PAIP2: variants seen among roughly 807,000 people sequenced by gnomAD.
PAIP2 encodes the protein polyadenylate-binding protein-interacting protein 2.
In PAIP2, 7 loss-of-function variants were observed where a neutral mutation model predicts 14.8. The observed-to-expected ratio is 0.47, with a 90% CI of 0.27 to 0.89. PAIP2 has a LOEUF of 0.89. Among genes scored for constraint, PAIP2 ranks in the 40% least tolerant of loss-of-function variants. PAIP2 has a pLI of 0.13. For synonymous variants in PAIP2, 47 were observed against 45.3 expected, an observed-to-expected ratio of 1.04 and a Z score of -0.15; for missense variants, 122 against 154.7, an observed-to-expected ratio of 0.79 and a Z score of 1.12.
chr5:139,342,867 C>T (rs887198866), intron 1 of PAIP2: 1 of 152,056 alleles, frequency 6.6e-6, no homozygotes, highest in Non-Finnish European at 1.5e-5. Flanking sequence ...GCACCCGTAT[C>T]AACTCATAAA....
intron 1 of PAIP2, among the ~76,000 whole-genome samples, chr5:139,354,655 T>C (rs1164622695): frequency 6.6e-6 from 1 of 152,200 alleles, no homozygotes; most frequent in African/African-American, 2.4e-5. Context: ...GCACAGTTGA[T>C]GTCTCCTGGG....
chr5:139,368,590 C>A, intron 3 of PAIP2, 143 bp from the exon 4 acceptor site: 1 of 610,504 alleles, frequency 1.6e-6, no homozygotes, highest in Admixed American at 3.1e-5. Flanking sequence ...TCTGGTTCTT[C>A]CTTTTTGGGG....
Position 139,363,886 on chromosome 5 carries a change from C to T in PAIP2, c.102C>T (p.Tyr34=), listed in dbSNP as rs756627525. 3 of 1,613,486 alleles carry T rather than the reference C, an allele frequency of 1.9e-6. No individual in the cohort carries two copies. The highest frequency in any genetic ancestry group is 1.7e-6 in the Non-Finnish European group (2 of 1,179,588). ...AAGATGACAATCCATTTGCAGAGTA[C>T]ATGTGGATGGAAAATGAAGAAGAAT... is the stretch of plus-strand genomic sequence containing the variant. ...SHEDDNPFAE[Y]MWMENEEEFN... The change falls in exon 2 of 4, where the codon TAC becomes TAT. Residue 34 remains tyrosine (Y), a synonymous_variant. Transcript: ENST00000265192.
chr5:139,345,554 T>A, intron 1 of PAIP2, among the ~76,000 whole-genome samples: 1 of 150,750 alleles, frequency 6.6e-6, no homozygotes, highest in East Asian at 1.9e-4. Flanking sequence ...CAAAACAGAG[T>A]CCAAGGGAAT....
chr5:139,357,706 C>G (rs972357717), intron 1 of PAIP2, among the ~76,000 whole-genome samples: 45 of 152,212 alleles, frequency 3.0e-4, no homozygotes, highest in African/African-American at 1.0e-3. Flanking sequence ...TGGCACGCGC[C>G]TGTAGTCCCA....
intron 1 of PAIP2, among the ~76,000 whole-genome samples, chr5:139,355,566 C>G (rs192676649): frequency 1.3e-5 from 2 of 152,122 alleles, no homozygotes; most frequent in African/African-American, 2.4e-5. Context: ...TTTTAACATA[C>G]TTAATATACT....
At chr5:139,366,655 A>G (rs923345586) in intron 3 of PAIP2, among the ~76,000 whole-genome samples, 1 of 152,188 alleles carries the variant, frequency 6.6e-6, no homozygotes, top group Non-Finnish European at 1.5e-5. Flanking sequence ...ATAATGTATA[A>G]CTTTAATCTG....
chr5:139,363,719 G>A lies in PAIP2; in HGVS notation c.-26-40G>A, dbSNP rs938146557. 3.8e-5 allele frequency: 59 copies of A among 1,570,234 alleles called. 1 individual carries two copies. The Admixed American group carries it at 5.2e-4, about 14-fold the overall frequency. On this transcript the variant is annotated intron_variant, in intron 1 of 3. Coordinates refer to ENST00000265192, the MANE Select transcript of PAIP2 (RefSeq NM_016480.5). ...CCTTGTCTCAGAAAGAAAAAACCCT[G>A]AATGAGTAAGTAAATTAACTGTGCT...
rs1757480122 is a variant in PAIP2, at chr5:139,368,989, A to C, written c.*191A>C. 1 of 488,210 alleles carries C rather than the reference A, an allele frequency of 2.0e-6. No homozygotes were observed. 30.2% of individuals were successfully genotyped at this position (488,210 alleles called of 1,614,324 possible). A position where few individuals can be genotyped will look rare whatever the true frequency, so the allele number is the denominator to read the frequency against. ...GTAAAAAGCTGTCAAACATTTACTG[A>C]AAATAGAATTGGCCCCATGGCTTGA... On this transcript the variant is annotated 3_prime_UTR_variant, in exon 4 of 4. Transcript: ENST00000265192.
chr5:139,361,544 T>C (rs1235377662), intron 1 of PAIP2, among the ~76,000 whole-genome samples: 1 of 152,198 alleles, frequency 6.6e-6, no homozygotes, highest in Non-Finnish European at 1.5e-5. Context: ...TGAAACCTTG[T>C]GCTTCAGATA....
At chr5:139,363,691 A>G in intron 1 of PAIP2, 68 bp from the exon 2 acceptor site, 1 of 1,405,372 alleles carries the variant, frequency 7.1e-7, no homozygotes, top group Non-Finnish European at 9.7e-7. Context: ...TGACGGAGTG[A>G]AACCTTGTCT....
intron 1 of PAIP2, among the ~76,000 whole-genome samples, chr5:139,349,260 T>G (rs1360464928): frequency 6.6e-6 from 1 of 152,156 alleles, no homozygotes; most frequent in South Asian, 2.1e-4. Context: ...TGTTGTTGTT[T>G]TTCTCTGAGA....
At chr5:139,353,554 G>T (rs1198086994) in intron 1 of PAIP2, among the ~76,000 whole-genome samples, 1 of 152,024 alleles carries the variant, frequency 6.6e-6, no homozygotes, top group Non-Finnish European at 1.5e-5. Flanking sequence ...AGTTTCAAGT[G>T]TATCCAAAAG....
intron 1 of PAIP2, among the ~76,000 whole-genome samples, chr5:139,356,105 T>A (rs1178289160): frequency 6.6e-6 from 1 of 151,346 alleles, no homozygotes; most frequent in African/African-American, 2.4e-5. Context: ...GCCATTGCAC[T>A]CCAGCCTGGG....
intron 3 of PAIP2, among the ~76,000 whole-genome samples, chr5:139,367,797 C>T (rs914915564): frequency 1.3e-5 from 2 of 152,162 alleles, no homozygotes; most frequent in Non-Finnish European, 2.9e-5. Flanking sequence ...TACCATAGTT[C>T]GATTAACAGA....
intron 1 of PAIP2, among the ~76,000 whole-genome samples, chr5:139,348,050 C>T (rs1489182964): frequency 6.7e-6 from 1 of 149,870 alleles, no homozygotes; most frequent in Non-Finnish European, 1.5e-5. Flanking sequence ...TGGTGTTACA[C>T]ACTTGTAATT....
intron 1 of PAIP2, among the ~76,000 whole-genome samples, chr5:139,351,622 G>A (rs1297318379): frequency 5.3e-5 from 8 of 152,106 alleles, no homozygotes; most frequent in African/African-American, 7.2e-5. Context: ...CGCTTTAGAC[G>A]TTTGTATACC....
chr5:139,355,377 G>T (rs1310114667), intron 1 of PAIP2, among the ~76,000 whole-genome samples: 1 of 151,918 alleles, frequency 6.6e-6, no homozygotes, highest in Non-Finnish European at 1.5e-5. Flanking sequence ...TCACCATGTT[G>T]TCCAGGCTGG....
intron 1 of PAIP2, among the ~76,000 whole-genome samples, chr5:139,353,942 G>T (rs752768333): frequency 3.9e-5 from 6 of 151,970 alleles, no homozygotes; most frequent in Non-Finnish European, 7.4e-5. Context: ...GGCTGGTCTC[G>T]AACTCCTGAC....
Sources: gnomAD v4.1 joint callset for allele counts (sites outside exome capture counted in the v4.1 genomes callset) on GRCh38, gnomAD v4.1.1 for gene constraint, MANE v1.5 for transcripts, NCBI Gene and HGNC (gene_info 2026-07-23, HGNC 2026-07-21) for gene names.